Variants in TTC38 observed in about 807,000 individuals in gnomAD.
The protein encoded by TTC38 is tetratricopeptide repeat domain 38, also known as tetratricopeptide repeat protein 38.
Under a neutral mutation model 64.2 loss-of-function variants are expected in TTC38, and 64 were observed. The ratio of observed to expected loss-of-function variants is 1.00; its 90% CI spans 0.81 to 1.23. The LOEUF is 1.23. Among genes scored for constraint, TTC38 ranks in the 50% most tolerant of loss-of-function variants. The pLI, the probability that TTC38 is intolerant of heterozygous loss-of-function variation, is 0.00. For missense variants in TTC38, 573 were observed against 615.5 expected, an observed-to-expected ratio of 0.93 and a Z score of 0.73; for synonymous variants, 254 against 249.3, an observed-to-expected ratio of 1.02 and a Z score of -0.18.
rs1338905749 is a variant in TTC38 at position 46,276,485 on chromosome 22, G to C, written c.539+1064G>C. On this transcript the variant is annotated intron_variant, in intron 5 of 13. Coordinates refer to ENST00000381031, the MANE Select transcript of TTC38 (RefSeq NM_017931.4). This position sits in a 1 kb window ranked among gnomAD's most constrained non-coding sequence, Gnocchi z 4.7. The stretch of plus-strand genomic sequence containing the variant: ...TAGGATTGCTTGAGCCCAGGAGTTT[G>C]AGATAAGCTTGGTCAACATGGCAAG... Among the ~76,000 whole-genome samples, 1 of 152,050 alleles carries C rather than the reference G, an allele frequency of 6.6e-6. No homozygotes were observed. The highest frequency in any genetic ancestry group is 1.5e-5 in the Non-Finnish European group (1 of 68,012).
At position 46,289,800 on chromosome 22, in the gene TTC38, A is replaced by G. The variant is rs370520946; in HGVS notation, c.1243-26A>G. The G allele has an allele frequency of 1.2e-4, 200 of 1,613,084 alleles. No individual in the cohort carries two copies. In the African/African-American group the frequency reaches 2.4e-3, roughly 19 times the overall value. ...CCTCCCCCATCCTGAGGTACAGGAG[A>G]CTCACATGCCCGATTGACATTTCAG... On this transcript the variant is annotated intron_variant, in intron 12 of 13. Transcript: ENST00000381031.
rs1353970302 is a variant in TTC38, at chr22:46,273,844, G to C, written c.194-54G>C. 4 of 1,591,666 alleles carry C rather than the reference G, an allele frequency of 2.5e-6. No homozygotes were observed. Among genetic ancestry groups the C allele is most frequent in the Non-Finnish European group, 2.6e-6 (3 of 1,162,780 alleles). ...CTGTGACATGTGGAGTCTGGGCTGG[G>C]ATGGGCTGAGCTGGACCATCTGAAC... On this transcript the variant is annotated intron_variant, in intron 3 of 13. Transcript: ENST00000381031. This position sits in a 1 kb window ranked among gnomAD's most constrained non-coding sequence, Gnocchi z 5.1.
chr22:46,271,048 GT>G lies in TTC38; in HGVS notation c.112-1283del, dbSNP rs1936883743. 6.6e-6 allele frequency among the ~76,000 whole-genome samples: 1 copy of G among 151,996 alleles called. No homozygotes were observed. Among genetic ancestry groups the G allele is most frequent in the African/African-American group, 2.4e-5 (1 of 41,384 alleles). On this transcript the variant is annotated intron_variant, in intron 2 of 13. Transcript: ENST00000381031. The surrounding 1 kb of genome is among the most constrained non-coding windows in gnomAD (Gnocchi z 5.5). ...AAATGATAAAATGAGCTTTGGGTAAGTTTTATCTTTCAGCTTTTGTGTCTTT... is the reference window on the plus strand; with the variant it reads ...AAATGATAAAATGAGCTTTGGGTAAGTTTATCTTTCAGCTTTTGTGTCTTT...
In TTC38 at chr22:46,272,620, A is replaced by T. The variant is rs1161723502; in HGVS notation, c.193+204A>T. On this transcript the variant is annotated intron_variant, in intron 3 of 13. Coordinates refer to ENST00000381031, the MANE Select transcript of TTC38 (RefSeq NM_017931.4). This position sits in a 1 kb window ranked among gnomAD's most constrained non-coding sequence, Gnocchi z 6.4. Reference sequence around the variant, plus strand: ...TCCCATAAAGATGCCAGGTTCTATCAGAAGGCATTTTTCTCATCTTTTCTT... The same window carrying T: ...TCCCATAAAGATGCCAGGTTCTATCTGAAGGCATTTTTCTCATCTTTTCTT... 6.6e-6 allele frequency among the ~76,000 whole-genome samples: 1 copy of T among 152,200 alleles called. No homozygotes were observed. The highest frequency in any genetic ancestry group is 1.5e-5 in the Non-Finnish European group (1 of 68,028).
chr22:46,288,625 C>A (rs2077589104), intron 11 of TTC38, 37 bp downstream of exon 11: 1 of 1,602,300 alleles, frequency 6.2e-7, no homozygotes, highest in African/African-American at 1.3e-5. Flanking sequence ...GGGGTCCTCA[C>A]CCTGCCGAGA....
chr22:46,284,868 CAAAAAAA>C lies in TTC38; in HGVS notation c.796-357_796-351del, dbSNP rs130641. Among the ~76,000 whole-genome samples, 21 of 75,324 alleles carry C rather than the reference CAAAAAAA, an allele frequency of 2.8e-4. No homozygotes were observed. The Admixed American group carries it at 3.7e-3, about 13-fold the overall frequency. The allele number at this position is 75,324 out of a possible 152,430, so 49.4% of individuals were successfully genotyped here. A position where few individuals can be genotyped will look rare whatever the true frequency, so the allele number is the denominator to read the frequency against. ...TGGGTGACAGAGTGAGACCCCATCT[CAAAAAAA>C]AAAAAAAAAAAAAAAGAAAAAGGCT... On this transcript the variant is annotated intron_variant, in intron 8 of 13. Transcript: ENST00000381031.
Position 46,281,487 on chromosome 22 carries a change from T to G in TTC38, c.616-112T>G. ...GTCAGAGCCCCGCCCCCCCACTTGC[T>G]CCACCCCGTTCAGCCCAGGCCCCTC... On this transcript the variant is annotated intron_variant, in intron 6 of 13. Coordinates refer to ENST00000381031, the MANE Select transcript of TTC38 (RefSeq NM_017931.4). This position sits in a 1 kb window ranked among gnomAD's most constrained non-coding sequence, Gnocchi z 5.2. 33 of 950,400 alleles carry G rather than the reference T, an allele frequency of 3.5e-5. No homozygotes were observed. Among genetic ancestry groups the G allele is most frequent in the East Asian group, 5.5e-5 (2 of 36,150 alleles). 58.9% of individuals were successfully genotyped at this position (950,400 alleles called of 1,614,324 possible).
At position 46,289,544 on chromosome 22, in the gene TTC38, G is replaced by T; in HGVS notation, c.1225G>T (p.Gly409Cys). 1 of 1,593,522 alleles carries T rather than the reference G, an allele frequency of 6.3e-7. No homozygotes were observed. Among genetic ancestry groups the T allele is most frequent in the Non-Finnish European group, 8.5e-7 (1 of 1,171,168 alleles). ...LPIRYRIVQL[G>C]GSNAQRDVFN... Reference sequence around the variant, plus strand: ...CATCCGCTACCGGATCGTCCAGCTCGGTGGGAGCAATGCCCAGGTGAGCCG... The same window carrying T: ...CATCCGCTACCGGATCGTCCAGCTCTGTGGGAGCAATGCCCAGGTGAGCCG... Residue 409 changes from glycine to cysteine, a missense_variant, in exon 12 of 14, where the codon GGT (glycine) becomes TGT (cysteine). By Grantham distance (159) the Gly-to-Cys change is radical (BLOSUM62 -3). Coordinates refer to ENST00000381031, the MANE Select transcript of TTC38 (RefSeq NM_017931.4).
chr22:46,286,396 C>T (rs1357057880), intron 9 of TTC38, among the ~76,000 whole-genome samples: 3 of 152,084 alleles, frequency 2.0e-5, no homozygotes, highest in Non-Finnish European at 4.4e-5. Flanking sequence ...CACGGTGGCT[C>T]ACACATGTAA....
In TTC38 at chr22:46,275,188, A is replaced by C. The variant is rs1936980363; in HGVS notation, c.366-60A>C. 2.7e-6 allele frequency: 4 copies of C among 1,501,128 alleles called. No homozygotes were observed. The African/African-American group carries it at 5.6e-5, about 21-fold the overall frequency. 93.0% of individuals were successfully genotyped at this position (1,501,128 alleles called of 1,614,324 possible). A position where few individuals can be genotyped will look rare whatever the true frequency, so the allele number is the denominator to read the frequency against. On this transcript the variant is annotated intron_variant, in intron 4 of 13. Coordinates refer to ENST00000381031, the MANE Select transcript of TTC38 (RefSeq NM_017931.4). The surrounding 1 kb of genome is among the most constrained non-coding windows in gnomAD (Gnocchi z 4.5). ...ACTGGTGAGAAACAATGCCTCTTAC[A>C]CTCCCTGTGTGGGTGGACTATGTGT... is the stretch of plus-strand genomic sequence containing the variant.
chr22:46,270,603 C>G lies in TTC38; in HGVS notation c.112-1732C>G, dbSNP rs937935418. ...ATCCCAGCACTTTGGGAGGCTGAGG[C>G]AGGTGGATCATCTGAGGTCAGGAGT... On this transcript the variant is annotated intron_variant, in intron 2 of 13. Coordinates refer to ENST00000381031, the MANE Select transcript of TTC38 (RefSeq NM_017931.4). This position sits in a 1 kb window ranked among gnomAD's most constrained non-coding sequence, Gnocchi z 4.7. Among the ~76,000 whole-genome samples, 3 of 152,168 alleles carry G rather than the reference C, an allele frequency of 2.0e-5. No homozygotes were observed. Among genetic ancestry groups the G allele is most frequent in the African/African-American group, 7.2e-5 (3 of 41,436 alleles).
At chr22:46,283,104 ATT>A (rs202167198) in intron 7 of TTC38, among the ~76,000 whole-genome samples, 1 of 147,108 alleles carries the variant, frequency 6.8e-6, no homozygotes, top group African/African-American at 2.5e-5. Flanking sequence ...AATTAAAAAA[ATT>A]TTTTTTTTTT....
In TTC38 at chr22:46,277,628, A is replaced by AAG. The variant is rs1569018630; in HGVS notation, c.540-950_540-949dup. On this transcript the variant is annotated intron_variant, in intron 5 of 13. Transcript: ENST00000381031. ...TCCAAAAAAAAAAAAAAAAAAAAAA[A>AAG]AGAGAGAGATTGGAAGCGTGCAATT... Among the ~76,000 whole-genome samples, 109 of 142,366 alleles carry AAG rather than the reference A, an allele frequency of 7.7e-4. 2 individuals carry two copies. The highest frequency in any genetic ancestry group is 3.6e-3 in the Middle Eastern group (1 of 276). The allele number at this position is 142,366 out of a possible 152,430, so 93.4% of individuals were successfully genotyped here. A position where few individuals can be genotyped will look rare whatever the true frequency, so the allele number is the denominator to read the frequency against.
rs2077545605 is a variant in TTC38, at chr22:46,282,991, C to A, written c.736-982C>A. On this transcript the variant is annotated intron_variant, in intron 7 of 13. Transcript: ENST00000381031. This position sits in a 1 kb window ranked among gnomAD's most constrained non-coding sequence, Gnocchi z 4.4. ...TCGCCCAAGGTGGAGTGCAGTGGCA[C>A]AATCAGGGCTCACCGCAGCCTCGAC... Among the ~76,000 whole-genome samples the A allele has an allele frequency of 6.6e-6, 1 of 152,158 alleles. No individual in the cohort carries two copies. The highest frequency in any genetic ancestry group is 2.1e-4 in the South Asian group (1 of 4,826).
At position 46,289,849 on chromosome 22, in the gene TTC38, G is replaced by C. The variant is rs778707659; in HGVS notation, c.1266G>C (p.Leu422=). The C allele has an allele frequency of 1.5e-5, 25 of 1,614,100 alleles. No individual in the cohort carries two copies. Among genetic ancestry groups the C allele is most frequent in the African/African-American group, 4.0e-5 (3 of 74,926 alleles). The part of the protein sequence containing the change: ...NAQRDVFNQL[L]IHAALNCTSS... ...AGAGAGACGTCTTCAACCAGCTGCT[G>C]ATTCACGCGGCCTTAAACTGCACCT... The change falls in exon 13 of 14, where the codon CTG becomes CTC. Residue 422 remains leucine, a synonymous_variant. Transcript: ENST00000381031.
At position 46,275,248 on chromosome 22, in the gene TTC38, G is replaced by A; in HGVS notation, c.366G>A (p.Gly122=). Reference sequence around the variant, plus strand: ...GTGAGAAATCTTTCTCGGTTTCCAGGAACTTTCCGAAAGCCTGTGAACTAT... The same window carrying A: ...GTGAGAAATCTTTCTCGGTTTCCAGAAACTTTCCGAAAGCCTGTGAACTAT... The part of the protein sequence containing the change: ...HVSAVETFAN[G]NFPKACELWE... The change falls in exon 5 of 14, where the codon GGG becomes GGA. Residue 122 remains glycine, a splice_region_variant and synonymous_variant. Transcript: ENST00000381031. This position sits in a 1 kb window ranked among gnomAD's most constrained non-coding sequence, Gnocchi z 4.5. The A allele has an allele frequency of 1.2e-6, 2 of 1,612,628 alleles. No individual in the cohort carries two copies. Among genetic ancestry groups the A allele is most frequent in the Non-Finnish European group, 1.7e-6 (2 of 1,179,550 alleles).
Position 46,274,192 on chromosome 22 carries a change from C to G in TTC38, c.365+123C>G, listed in dbSNP as rs1224012581. On this transcript the variant is annotated intron_variant, in intron 4 of 13. Coordinates refer to ENST00000381031, the MANE Select transcript of TTC38 (RefSeq NM_017931.4). This position sits in a 1 kb window ranked among gnomAD's most constrained non-coding sequence, Gnocchi z 4.8. ...TGGGAGAATGCTTCTCTCCCTGCCTCCTGAGATGCTCTGATGGAAAATCGC... is the reference window on the plus strand; with the variant it reads ...TGGGAGAATGCTTCTCTCCCTGCCTGCTGAGATGCTCTGATGGAAAATCGC... 1 of 847,658 alleles carries G rather than the reference C, an allele frequency of 1.2e-6. No homozygotes were observed. Among genetic ancestry groups the G allele is most frequent in the Non-Finnish European group, 1.8e-6 (1 of 550,512 alleles). The allele number at this position is 847,658 out of a possible 1,614,324, so 52.5% of individuals were successfully genotyped here.
chr22:46,275,144 C>A lies in TTC38; in HGVS notation c.366-104C>A. Reference sequence around the variant, plus strand: ...TCAGAAACTGATTTTTAAAAAAACACATCCATGTAGACCATGACACTGGTG... The same window carrying A: ...TCAGAAACTGATTTTTAAAAAAACAAATCCATGTAGACCATGACACTGGTG... On this transcript the variant is annotated intron_variant, in intron 4 of 13. Transcript: ENST00000381031. The surrounding 1 kb of genome is among the most constrained non-coding windows in gnomAD (Gnocchi z 4.5). The A allele has an allele frequency of 1.7e-6, 2 of 1,146,334 alleles. No individual in the cohort carries two copies. Among genetic ancestry groups the A allele is most frequent in the Non-Finnish European group, 2.5e-6 (2 of 807,420 alleles). 71.0% of individuals were successfully genotyped at this position (1,146,334 alleles called of 1,614,324 possible).
chr22:46,289,768 G>C, intron 12 of TTC38, 58 bp from the exon 13 acceptor site: 1 of 1,585,892 alleles, frequency 6.3e-7, no homozygotes, highest in South Asian at 1.1e-5. Flanking sequence ...CGGTGGGCGG[G>C]GGCTCGCCTC....
Sources: allele counts gnomAD v4.1 joint callset (sites outside exome capture counted in the v4.1 genomes callset), GRCh38; gene constraint gnomAD v4.1.1; non-coding constraint Gnocchi (gnomAD v3.1); transcripts MANE v1.5; gene names NCBI Gene and HGNC (gene_info 2026-07-23, HGNC 2026-07-21).